Variants in WNT2 observed in about 807,000 individuals in gnomAD.
The protein encoded by WNT2 is protein Wnt-2.
In WNT2, 12 loss-of-function variants were observed where a neutral mutation model predicts 36.9. The observed-to-expected ratio is 0.33, with a 90% confidence interval of 0.21 to 0.53. WNT2 has a LOEUF of 0.53. Among genes scored for constraint, WNT2 ranks in the 20% least tolerant of loss-of-function variants. WNT2 has a pLI of 0.95. For synonymous variants in WNT2, 163 were observed against 174.6 expected (o/e 0.93, Z 0.52); for missense variants, 379 against 473.1 (o/e 0.80, Z 1.84).
rs1444853811 is a variant in WNT2 at position 117,312,792 on chromosome 7, C to T, written c.588+2279G>A. 2.0e-5 allele frequency among the ~76,000 whole-genome samples: 3 copies of T among 152,148 alleles called. No individual in the cohort carries two copies. The East Asian group carries it at 5.8e-4, about 29-fold the overall frequency. ...TACAGTACAGAGACACATGAGGGTG[C>T]TCTAACCAACTGCTATAATAAATAA... is the stretch of plus-strand genomic sequence containing the variant. On this transcript the variant is annotated intron_variant, in intron 3 of 4. Coordinates refer to ENST00000265441, the MANE Select transcript of WNT2 (RefSeq NM_003391.3).
intron 2 of WNT2, among the ~76,000 whole-genome samples, chr7:117,320,030 T>G (rs1795295169): frequency 6.6e-6 from 1 of 152,208 alleles, no homozygotes; most frequent in African/African-American, 2.4e-5. Context: ...GGAAAAATGT[T>G]GAATTTAGAC....
At chr7:117,292,052 C>T (rs1794699782) in intron 4 of WNT2, among the ~76,000 whole-genome samples, 1 of 152,202 alleles carries the variant, frequency 6.6e-6, no homozygotes, top group Non-Finnish European at 1.5e-5. Context: ...GCTGGGATTA[C>T]AGGCATGAGC....
rs2116318017 is a variant in WNT2, at chr7:117,277,977, G to A, written c.*178C>T. The A allele has an allele frequency of 1.6e-6, 1 of 634,750 alleles. No homozygotes were observed. The highest frequency in any genetic ancestry group is 2.7e-5 in the East Asian group (1 of 36,472). 39.3% of individuals were successfully genotyped at this position (634,750 alleles called of 1,614,324 possible). ...GATGGATAGAATAGGGTAGGCTTTA[G>A]GTGCAGCGTGTGGCCCCCCCATCCT... On this transcript the variant is annotated 3_prime_UTR_variant, in exon 5 of 5. Coordinates refer to ENST00000265441, the MANE Select transcript of WNT2 (RefSeq NM_003391.3).
At chr7:117,302,735 T>C (rs989972258) in intron 3 of WNT2, among the ~76,000 whole-genome samples, 45 of 152,200 alleles carry the variant, frequency 3.0e-4, no homozygotes, top group African/African-American at 1.1e-3. Context: ...ATGTGGTCTC[T>C]GAACAATGAA....
At chr7:117,299,204 C>T (rs893103220) in intron 3 of WNT2, among the ~76,000 whole-genome samples, 2 of 152,164 alleles carry the variant, frequency 1.3e-5, no homozygotes, top group Non-Finnish European at 2.9e-5. Flanking sequence ...GTAGGAAGCT[C>T]ACAGGATGGC....
chr7:117,315,738 A>G (rs1795203131), intron 2 of WNT2, among the ~76,000 whole-genome samples: 1 of 152,240 alleles, frequency 6.6e-6, no homozygotes, highest in Admixed American at 6.5e-5. Context: ...TCTGAATGCT[A>G]CAATTCTATC....
chr7:117,278,183 T>C lies in WNT2; in HGVS notation c.1055A>G (p.Lys352Arg), dbSNP rs1488721782. ...TGTAGCGGTTGTCCAGTCAGCGTTC[T>C]TGGGGGCCTTGCATGTGTGCACATC... ...ALDVHTCKAP[K>R]NADWTTAT The change falls in exon 5 of 5, where the codon AAG becomes AGG. Residue 352 changes from lysine to arginine, a missense_variant. Physicochemically the swap from Lys to Arg is conservative, Grantham distance 26. Coordinates refer to ENST00000265441, the MANE Select transcript of WNT2 (RefSeq NM_003391.3). 16 of 1,614,088 alleles carry C rather than the reference T, an allele frequency of 9.9e-6. No homozygotes were observed. Among genetic ancestry groups the C allele is most frequent in the Non-Finnish European group, 1.4e-5 (16 of 1,180,024 alleles).
chr7:117,322,757 A>G lies in WNT2; in HGVS notation c.83+150T>C. 1 of 730,852 alleles carries G rather than the reference A, an allele frequency of 1.4e-6. No homozygotes were observed. The highest frequency in any genetic ancestry group is 1.6e-5 in the South Asian group (1 of 64,370). 45.3% of individuals were successfully genotyped at this position (730,852 alleles called of 1,614,324 possible). ...TCTGGGAAAAGAGAAGGGGCTCACC[A>G]TGGGGCGATAAGAGGGCAGTAGCCA... On this transcript the variant is annotated intron_variant, in intron 1 of 4. Coordinates refer to ENST00000265441, the MANE Select transcript of WNT2 (RefSeq NM_003391.3). This position sits in a 1 kb window ranked among gnomAD's most constrained non-coding sequence, Gnocchi z 5.4.
rs183595546 is a variant in WNT2, at chr7:117,320,141, C to G, written c.310+426G>C. On this transcript the variant is annotated intron_variant, in intron 2 of 4. Transcript: ENST00000265441. ...TCACTTAAGTGGTGTTTTTGCAATA[C>G]TGATAATCCTTTGCTGAGAAAAGAT... 5.7e-4 allele frequency among the ~76,000 whole-genome samples: 87 copies of G among 152,296 alleles called. 1 individual carries two copies. In the Middle Eastern group the frequency reaches 0.017, roughly 30 times the overall value.
chr7:117,317,566 G>T (rs2116390734), intron 2 of WNT2, among the ~76,000 whole-genome samples: 1 of 152,284 alleles, frequency 6.6e-6, no homozygotes, highest in East Asian at 1.9e-4. Flanking sequence ...AATGTTATGT[G>T]TGAAGTAGTA....
In WNT2 at chr7:117,291,830, T is replaced by G. The variant is rs1794694486; in HGVS notation, c.853+5782A>C. Among the ~76,000 whole-genome samples, 3 of 152,020 alleles carry G rather than the reference T, an allele frequency of 2.0e-5. No individual in the cohort carries two copies. The South Asian group carries it at 6.2e-4, about 32-fold the overall frequency. ...TTCACTCTTGCTGCCCAGGCTGGAG[T>G]GCAATGGTGTGATCTCGGCTCACCA... On this transcript the variant is annotated intron_variant, in intron 4 of 4. Transcript: ENST00000265441.
At position 117,322,287 on chromosome 7, in the gene WNT2, T is replaced by G. The variant is rs1795344513; in HGVS notation, c.83+620A>C. The G allele has an allele frequency of 6.6e-6, 1 of 152,456 alleles. No homozygotes were observed. The highest frequency in any genetic ancestry group is 1.5e-5 in the Non-Finnish European group (1 of 68,342). 9.4% of individuals were successfully genotyped at this position (152,456 alleles called of 1,614,324 possible). On this transcript the variant is annotated intron_variant, in intron 1 of 4. Transcript: ENST00000265441. The surrounding 1 kb of genome is among the most constrained non-coding windows in gnomAD (Gnocchi z 5.4). ...GGGGACGGTTGTGAACAAGGTAACA[T>G]CTTAGAGACAGACCCCGGGGTCTGT... is the stretch of plus-strand genomic sequence containing the variant.
chr7:117,283,715 C>A (rs1240686102), intron 4 of WNT2, among the ~76,000 whole-genome samples: 3 of 152,176 alleles, frequency 2.0e-5, no homozygotes, highest in Non-Finnish European at 4.4e-5. Context: ...TGACCATTGA[C>A]AAAAGCTTAA....
rs965819097 is a variant in WNT2 at position 117,287,143 on chromosome 7, T to C, written c.854-8759A>G. 3.8e-4 allele frequency among the ~76,000 whole-genome samples: 58 copies of C among 152,062 alleles called. 1 individual carries two copies. Among genetic ancestry groups the C allele is most frequent in the Non-Finnish European group, 7.4e-5 (5 of 68,002 alleles). ...GCAGGCGGATCACAAGTTCATGAGA[T>C]CGAGACCATCTTGGCCAACATGGTG... On this transcript the variant is annotated intron_variant, in intron 4 of 4. Transcript: ENST00000265441.
intron 3 of WNT2, among the ~76,000 whole-genome samples, chr7:117,309,385 G>A (rs969453194): frequency 2.6e-5 from 4 of 152,106 alleles, no homozygotes; most frequent in African/African-American, 7.2e-5. Flanking sequence ...ACTGATCTTC[G>A]GTGGTGCTTG....
At chr7:117,295,491 TA>T (rs3837144) in intron 4 of WNT2, among the ~76,000 whole-genome samples, 23,961 of 151,340 alleles carry the variant, frequency 0.16, 2,550 homozygotes, top group East Asian at 0.43. Flanking sequence ...CTCTGTGGGG[TA>T]AAAAAAAATA....
chr7:117,276,777 G>C lies in WNT2; in HGVS notation c.*1378C>G, dbSNP rs1794387150. 1 of 152,180 alleles carries C rather than the reference G, an allele frequency of 6.6e-6. No individual in the cohort carries two copies. Among genetic ancestry groups the C allele is most frequent in the Admixed American group, 6.5e-5 (1 of 15,286 alleles). 9.4% of individuals were successfully genotyped at this position (152,180 alleles called of 1,614,324 possible). On this transcript the variant is annotated 3_prime_UTR_variant, in exon 5 of 5. Coordinates refer to ENST00000265441, the MANE Select transcript of WNT2 (RefSeq NM_003391.3). ...TTAACATAAAAAAACGGTGCAGGCAGCCTCTCCATTTTCCCTGAATGTCAT... is the reference window on the plus strand; with the variant it reads ...TTAACATAAAAAAACGGTGCAGGCACCCTCTCCATTTTCCCTGAATGTCAT...
Position 117,278,010 on chromosome 7 carries a change from C to T in WNT2, c.*145G>A, listed in dbSNP as rs764606424. 1.5e-5 allele frequency: 14 copies of T among 909,400 alleles called. No homozygotes were observed. The highest frequency in any genetic ancestry group is 2.3e-5 in the Non-Finnish European group (14 of 604,056). The allele number at this position is 909,400 out of a possible 1,614,324, so 56.3% of individuals were successfully genotyped here. The stretch of plus-strand genomic sequence containing the variant: ...GTGTGGCCCCCCCATCCTGGGGCCC[C>T]CAGGGAGGAAGAGGGGGCTTCCGTT... On this transcript the variant is annotated 3_prime_UTR_variant, in exon 5 of 5. Transcript: ENST00000265441.
At chr7:117,287,089 C>T (rs1794595252) in intron 4 of WNT2, among the ~76,000 whole-genome samples, 1 of 152,210 alleles carries the variant, frequency 6.6e-6, no homozygotes, top group Non-Finnish European at 1.5e-5. Flanking sequence ...TGGCTCACAC[C>T]TGTAATCCCA....
Sources: gnomAD v4.1 joint callset for allele counts (sites outside exome capture counted in the v4.1 genomes callset) on GRCh38, gnomAD v4.1.1 for gene constraint, Gnocchi (gnomAD v3.1) non-coding constraint, MANE v1.5 for transcripts, NCBI Gene and HGNC (gene_info 2026-07-23, HGNC 2026-07-21) for gene names.